PRDM6: variants seen among roughly 807,000 people sequenced by gnomAD.
PRDM6 encodes putative histone-lysine N-methyltransferase PRDM6.
PRDM6 carries 25 observed loss-of-function variants against 60.8 expected under a neutral mutation model. The observed-to-expected ratio is 0.41, with a 90% CI of 0.30 to 0.57. The LOEUF (loss-of-function observed/expected upper bound fraction) is 0.57. Among genes scored for constraint, PRDM6 ranks in the 20% least tolerant of loss-of-function variants. PRDM6 has a pLI of 0.27. For synonymous variants in PRDM6, 407 were observed against 357.4 expected, an observed-to-expected ratio of 1.14 and a Z score of -1.57; for missense variants, 839 against 821.3, an observed-to-expected ratio of 1.02 and a Z score of -0.26.
At chr5:123,186,734 G>A (rs1447358538) in intron 7 of PRDM6, among the ~76,000 whole-genome samples, 1 of 152,142 alleles carries the variant, frequency 6.6e-6, no homozygotes, top group Non-Finnish European at 1.5e-5. Flanking sequence ...TTCTCTTTGG[G>A]GTTACAGAGT....
chr5:123,124,083 T>A (rs1764642264), intron 3 of PRDM6, among the ~76,000 whole-genome samples: 1 of 152,178 alleles, frequency 6.6e-6, no homozygotes, highest in Non-Finnish European at 1.5e-5. Context: ...CCTTAGAGAC[T>A]GACTTGCCAG....
chr5:123,139,684 A>G (rs1005055771), intron 3 of PRDM6, among the ~76,000 whole-genome samples: 11 of 152,120 alleles, frequency 7.2e-5, no homozygotes, highest in Admixed American at 2.0e-4. Context: ...CTTTATTTCT[A>G]TAGGGTCACT....
intron 4 of PRDM6, 82 bp downstream of exon 4, chr5:123,156,093 T>TA (rs752234259): frequency 3.9e-5 from 54 of 1,368,414 alleles, no homozygotes; most frequent in Middle Eastern, 3.8e-4. Context: ...CACTGGTGGG[T>TA]AAAAAAAATC....
chr5:123,090,053 C>T lies in PRDM6; in HGVS notation c.39C>T (p.Leu13=), dbSNP rs1307981044. The T allele has an allele frequency of 3.2e-6, 5 of 1,548,402 alleles. No individual in the cohort carries two copies. The African/African-American group carries it at 6.9e-5, about 21-fold the overall frequency. Residue 13 remains leucine, a synonymous_variant, in exon 2 of 8, where the codon CTC becomes CTT. Transcript: ENST00000407847. ...KPGDPGGSAF[L]KVDPAYLQHW... Reference sequence around the variant, plus strand: ...GAGACCCCGGCGGTTCGGCCTTCCTCAAAGTGGACCCAGCCTACCTGCAGC... The same window carrying T: ...GAGACCCCGGCGGTTCGGCCTTCCTTAAAGTGGACCCAGCCTACCTGCAGC...
chr5:123,114,797 T>G (rs140059553), intron 3 of PRDM6, among the ~76,000 whole-genome samples: 1,746 of 152,260 alleles, frequency 0.011, 32 homozygotes, highest in African/African-American at 0.04. Context: ...GTCAGATAAA[T>G]TAGACTGTGG....
chr5:123,185,314 T>TA (rs903889353), intron 7 of PRDM6, among the ~76,000 whole-genome samples: 102 of 151,806 alleles, frequency 6.7e-4, no homozygotes, highest in Non-Finnish European at 1.2e-3. Context: ...AGCTTCAAGA[T>TA]AAAAAAAAGG....
At chr5:123,106,219 A>G (rs1347206421) in intron 3 of PRDM6, among the ~76,000 whole-genome samples, 1 of 152,242 alleles carries the variant, frequency 6.6e-6, no homozygotes, top group Non-Finnish European at 1.5e-5. Context: ...AACTGAGAAG[A>G]GCAATCTATG....
chr5:123,180,244 G>T lies in PRDM6; in HGVS notation c.1594G>T (p.Gly532Cys). The T allele has an allele frequency of 6.4e-7, 1 of 1,551,862 alleles. No individual in the cohort carries two copies. The change falls in exon 7 of 8, where the codon GGC becomes TGC. Residue 532 changes from glycine (G) to cysteine (C), a missense_variant. By Grantham distance (159) the Gly-to-Cys change is radical. This residue lies in a region of PRDM6 where 109 missense variants were observed against 172.6 expected (regional missense o/e 0.63). Transcript: ENST00000407847. ...THSSDRPFKC[G>C]YCGRAFAGAT... ...CTCTAGTGACCGGCCTTTCAAGTGC[G>T]GCTACTGTGGTCGTGCCTTTGCCGG...
chr5:123,090,005 G>A lies in PRDM6; in HGVS notation c.-10G>A. On this transcript the variant is annotated 5_prime_UTR_variant, in exon 2 of 8. Transcript: ENST00000407847. ...TCCCTGCCCTCTGCCCCCAGTTCGA[G>A]GCGCCGGACATGCTGAAGCCCGGAG... 6.5e-7 allele frequency: 1 copy of A among 1,544,332 alleles called. No homozygotes were observed. Among genetic ancestry groups the A allele is most frequent in the Non-Finnish European group, 8.7e-7 (1 of 1,143,846 alleles).
In PRDM6 at chr5:123,128,113, G is replaced by C. The variant is rs570720801; in HGVS notation, c.901-27771G>C. On this transcript the variant is annotated intron_variant, in intron 3 of 7. Coordinates refer to ENST00000407847, the MANE Select transcript of PRDM6 (RefSeq NM_001136239.4). ...GGACATGAACTCATCCTTTTTAATG[G>C]CTGCACAGTATTCCATGGTGTATAT... Among the ~76,000 whole-genome samples, 278 of 152,232 alleles carry C rather than the reference G, an allele frequency of 1.8e-3. 2 individuals carry two copies. Among genetic ancestry groups the C allele is most frequent in the Non-Finnish European group, 2.9e-3 (196 of 68,030 alleles).
intron 3 of PRDM6, among the ~76,000 whole-genome samples, chr5:123,109,158 G>T (rs1272280677): frequency 1.3e-5 from 2 of 151,156 alleles, no homozygotes; most frequent in Non-Finnish European, 3.0e-5. Context: ...AAAGGAAGGA[G>T]AAAATTTCTG....
intron 7 of PRDM6, among the ~76,000 whole-genome samples, chr5:123,184,324 T>C (rs1390441464): frequency 6.6e-6 from 1 of 152,006 alleles, no homozygotes; most frequent in Admixed American, 6.5e-5. Flanking sequence ...GGTAATTAAG[T>C]CTAATTAAGA....
intron 7 of PRDM6, among the ~76,000 whole-genome samples, chr5:123,181,491 C>G (rs1273619469): frequency 6.6e-6 from 1 of 152,174 alleles, no homozygotes; most frequent in Admixed American, 6.5e-5. Flanking sequence ...AGTCAGCATG[C>G]ATGGTTGATT....
chr5:123,089,620 T>C (rs1380625814), intron 1 of PRDM6, 101 bp downstream of exon 1: 2 of 210,606 alleles, frequency 9.5e-6, no homozygotes, highest in East Asian at 1.4e-4. Flanking sequence ...TTCTGCCTCC[T>C]GGCGCCTGAG....
At chr5:123,116,831 A>G (rs977005390) in intron 3 of PRDM6, among the ~76,000 whole-genome samples, 29 of 152,240 alleles carry the variant, frequency 1.9e-4, no homozygotes, top group African/African-American at 6.8e-4. Flanking sequence ...GGAAATGCCC[A>G]GAAAACAACC....
chr5:123,114,848 G>C (rs899503337), intron 3 of PRDM6, among the ~76,000 whole-genome samples: 2 of 152,202 alleles, frequency 1.3e-5, no homozygotes, highest in African/African-American at 4.8e-5. Context: ...GATTTTGAGT[G>C]GCAGTAGTAG....
intron 3 of PRDM6, among the ~76,000 whole-genome samples, chr5:123,103,553 A>G (rs173057): frequency 0.1 from 15,537 of 152,076 alleles, 989 homozygotes; most frequent in East Asian, 0.27. Context: ...ATTTTATCCT[A>G]ATGTGTTTTC....
chr5:123,103,485 G>A (rs1039901715), intron 3 of PRDM6, among the ~76,000 whole-genome samples: 1 of 151,944 alleles, frequency 6.6e-6, no homozygotes, highest in Admixed American at 6.6e-5. Context: ...CTTTCTCAAT[G>A]TTTTCCAAAG....
At chr5:123,140,827 T>C (rs1765080460) in intron 3 of PRDM6, among the ~76,000 whole-genome samples, 1 of 152,172 alleles carries the variant, frequency 6.6e-6, no homozygotes, top group South Asian at 2.1e-4. Flanking sequence ...GGCTTGTAAA[T>C]GGCTTACTAA....
Sources: gnomAD v4.1 joint callset for allele counts (sites outside exome capture counted in the v4.1 genomes callset) on GRCh38, gnomAD v4.1.1 for gene constraint, gnomAD v4.1.1 regional missense constraint, MANE v1.5 for transcripts, NCBI Gene and HGNC (gene_info 2026-07-23, HGNC 2026-07-21) for gene names.